The following ANAPC7 variants were observed in gnomAD, a reference collection of about 807,000 sequenced individuals.
The protein encoded by ANAPC7 is anaphase-promoting complex subunit 7.
In ANAPC7, 25 loss-of-function variants were observed where a neutral mutation model predicts 63.3. That is an observed-to-expected ratio of 0.39 (90% confidence interval 0.29 to 0.55). ANAPC7 has a LOEUF of 0.55. Among genes scored for constraint, ANAPC7 ranks in the 20% least tolerant of loss-of-function variants. The pLI, the probability that ANAPC7 is intolerant of heterozygous loss-of-function variation, is 0.57. For synonymous variants in ANAPC7, 241 were observed against 251.7 expected (o/e 0.96, Z 0.40); for missense variants, 516 against 691.7 (o/e 0.75, Z 2.85).
chr12:110,395,948 G>A (rs975442232), intron 2 of ANAPC7, among the ~76,000 whole-genome samples: 3 of 152,150 alleles, frequency 2.0e-5, no homozygotes, highest in Non-Finnish European at 4.4e-5. Context: ...CAGATGGGGG[G>A]TGAGGGGGTG....
At chr12:110,402,848 G>A (rs908104405) in intron 1 of ANAPC7, among the ~76,000 whole-genome samples, 5 of 152,074 alleles carry the variant, frequency 3.3e-5, no homozygotes, top group African/African-American at 1.2e-4. Context: ...CGATCCTCCT[G>A]CCTCAGCCTC....
intron 8 of ANAPC7, among the ~76,000 whole-genome samples, chr12:110,380,127 G>A (rs1001551267): frequency 5.9e-5 from 9 of 152,232 alleles, no homozygotes; most frequent in Non-Finnish European, 2.9e-5. Context: ...GAATTGGGCA[G>A]ATCACTTAAG....
At chr12:110,384,673 CACAAAAAAAAA>C (rs140147934) in intron 6 of ANAPC7, among the ~76,000 whole-genome samples, 12,080 of 139,160 alleles carry the variant, frequency 0.087, 525 homozygotes, top group Middle Eastern at 0.12. Flanking sequence ...GACTCTGTCT[CACAAAAAAAAA>C]ACAAAAAAAA....
chr12:110,395,699 T>TC (rs1883513978), intron 2 of ANAPC7, among the ~76,000 whole-genome samples: 1 of 151,932 alleles, frequency 6.6e-6, no homozygotes, highest in African/African-American at 2.4e-5. Flanking sequence ...CCACCATGCC[T>TC]GGCTAATTTT....
chr12:110,396,481 C>G (rs1474947139), intron 1 of ANAPC7, 29 bp from the exon 2 acceptor site: 1 of 1,515,534 alleles, frequency 6.6e-7, no homozygotes, highest in South Asian at 1.2e-5. Context: ...TGTAATACAT[C>G]TTTTCCTCCC....
intron 3 of ANAPC7, among the ~76,000 whole-genome samples, chr12:110,390,973 C>G (rs184960021): frequency 1.3e-5 from 2 of 152,086 alleles, no homozygotes; most frequent in African/African-American, 4.8e-5. Flanking sequence ...GGGTGGATCA[C>G]GAGGTCAGGA....
intron 8 of ANAPC7, among the ~76,000 whole-genome samples, chr12:110,379,610 A>C (rs1237014996): frequency 6.6e-6 from 1 of 152,180 alleles, no homozygotes; most frequent in Admixed American, 6.5e-5. Flanking sequence ...TTTCAGAACA[A>C]AGACAATACT....
intron 1 of ANAPC7, among the ~76,000 whole-genome samples, chr12:110,397,568 A>G (rs1391853473): frequency 6.6e-6 from 1 of 151,678 alleles, no homozygotes; most frequent in Non-Finnish European, 1.5e-5. Flanking sequence ...AAAAAAAAAA[A>G]AAAACACTAA....
chr12:110,379,228 T>C (rs1881590482), intron 8 of ANAPC7: 1 of 152,194 alleles, frequency 6.6e-6, no homozygotes, highest in Non-Finnish European at 1.5e-5. Context: ...ACTTACTGAA[T>C]AGTTTTACTT....
intron 3 of ANAPC7, among the ~76,000 whole-genome samples, chr12:110,393,408 AACTC>A (rs1156937516): frequency 3.9e-5 from 6 of 152,248 alleles, no homozygotes; most frequent in African/African-American, 1.4e-4. Context: ...TTTATTAATA[AACTC>A]ACTTTCACTT....
chr12:110,388,417 A>T (rs947113482), intron 4 of ANAPC7, 95 bp downstream of exon 4: 5 of 922,346 alleles, frequency 5.4e-6, no homozygotes, highest in South Asian at 1.6e-5. Flanking sequence ...GGGAACTTTT[A>T]AAAAAAATAA....
intron 3 of ANAPC7, among the ~76,000 whole-genome samples, chr12:110,389,108 GA>G (rs1882879725): frequency 2.3e-5 from 3 of 131,102 alleles, no homozygotes; most frequent in Non-Finnish European, 4.9e-5. Flanking sequence ...AAAAAGAAAA[GA>G]AAAGAAATTA....
chr12:110,381,846 T>C lies in ANAPC7; in HGVS notation c.1038A>G (p.Gly346=), dbSNP rs1287213521. 6.2e-7 allele frequency: 1 copy of C among 1,612,972 alleles called. No individual in the cohort carries two copies. The highest frequency in any genetic ancestry group is 1.7e-5 in the Admixed American group (1 of 59,832). The stretch of plus-strand genomic sequence containing the variant: ...CTCTGCCCATGTTCCTAAGTGCTGC[T>C]CCCTTAAGTAGCAGAGCTTGAACAC... The part of the protein sequence containing the change: ...SNSVQALLLK[G]AALRNMGRVQ... Residue 346 remains glycine, a synonymous_variant, in exon 8 of 11, where the codon GGA becomes GGG. Transcript: ENST00000455511.
chr12:110,381,997 A>G (rs1881902344), intron 7 of ANAPC7, 49 bp from the exon 8 acceptor site: 7 of 1,476,192 alleles, frequency 4.7e-6, no homozygotes, highest in Non-Finnish European at 6.3e-6. Context: ...GAAGTTATCC[A>G]AGAGAAGACT....
chr12:110,398,452 G>A (rs1200862362), intron 1 of ANAPC7, among the ~76,000 whole-genome samples: 1 of 151,630 alleles, frequency 6.6e-6, no homozygotes, highest in Non-Finnish European at 1.5e-5. Flanking sequence ...ACTAGCACTA[G>A]AATTCTTACC....
At chr12:110,386,192 A>T (rs1882433843) in intron 6 of ANAPC7, 135 bp downstream of exon 6, 6 of 1,318,562 alleles carry the variant, frequency 4.6e-6, no homozygotes, top group Non-Finnish European at 3.2e-6. Context: ...ACCTAAAAAA[A>T]GTAAAAGACT....
At chr12:110,374,821 G>C (rs981276659) in intron 10 of ANAPC7, among the ~76,000 whole-genome samples, 4 of 152,128 alleles carry the variant, frequency 2.6e-5, no homozygotes, top group African/African-American at 7.2e-5. Context: ...GCTGTACCAT[G>C]GAACAGACTT....
intron 8 of ANAPC7, among the ~76,000 whole-genome samples, chr12:110,378,329 G>C (rs150708550): frequency 2.0e-5 from 3 of 152,216 alleles, no homozygotes; most frequent in Non-Finnish European, 2.9e-5. Context: ...CCTGACCTCA[G>C]GTGATCCGCC....
At chr12:110,393,246 C>A (rs1433434766) in intron 3 of ANAPC7, among the ~76,000 whole-genome samples, 1 of 152,128 alleles carries the variant, frequency 6.6e-6, no homozygotes, top group Non-Finnish European at 1.5e-5. Context: ...ACCCCCATTA[C>A]CAAATGTGTA....
Sources: allele counts gnomAD v4.1 joint callset (sites outside exome capture counted in the v4.1 genomes callset), GRCh38; gene constraint gnomAD v4.1.1; transcripts MANE v1.5; gene names NCBI Gene and HGNC (gene_info 2026-07-23, HGNC 2026-07-21).